The following COL4A6 variants were observed in gnomAD, a reference collection of about 807,000 sequenced individuals.
COL4A6 encodes collagen type IV alpha 6 chain.
COL4A6 carries 59 observed loss-of-function variants against 126.7 expected under a neutral mutation model. The observed-to-expected ratio is 0.47, with a 90% CI of 0.38 to 0.58. The LOEUF is 0.58. Among genes scored for constraint, COL4A6 ranks in the 20% least tolerant of loss-of-function variants. The probability of loss-of-function intolerance (pLI) is 0.00; values close to 1 mark genes in which losing one functional copy is unlikely to be tolerated. For synonymous variants in COL4A6, 547 were observed against 496.6 expected (o/e 1.10, Z -1.35); for missense variants, 1,285 against 1,337.3 (o/e 0.96, Z 0.61).
intron 2 of COL4A6, among the ~76,000 whole-genome samples, chrX:108,321,057 A>G (rs12687127): frequency 0.068 from 7,614 of 111,629 alleles, 564 homozygotes; most frequent in African/African-American, 0.21. Flanking sequence ...ATTTTACTTT[A>G]TAGGGTTTAG....
At chrX:108,380,383 T>C (rs1477311799) in intron 2 of COL4A6, among the ~76,000 whole-genome samples, 1 of 112,335 alleles carries the variant, frequency 8.9e-6, no homozygotes, top group Non-Finnish European at 1.9e-5. Flanking sequence ...GCTGGAGGAA[T>C]AGGTCATGCA....
chrX:108,185,163 G>T (rs1469333542), intron 23 of COL4A6, among the ~76,000 whole-genome samples: 1 of 110,982 alleles, frequency 9.0e-6, no homozygotes, highest in African/African-American at 3.3e-5. Flanking sequence ...AGGCCAACGC[G>T]GGTGGATCAC....
At chrX:108,372,183 A>G (rs765183050) in intron 2 of COL4A6, among the ~76,000 whole-genome samples, 25 of 111,345 alleles carry the variant, frequency 2.2e-4, no homozygotes, top group Non-Finnish European at 4.7e-4. Flanking sequence ...CCTCTTTTCA[A>G]TGGGGCAGCT....
chrX:108,204,059 A>G (rs138598499), intron 12 of COL4A6, among the ~76,000 whole-genome samples: 41 of 111,655 alleles, frequency 3.7e-4, no homozygotes, highest in African/African-American at 1.3e-3. Flanking sequence ...CAACACTAAA[A>G]CAGAGAAAAT....
chrX:108,281,809 T>C (rs922200465), intron 3 of COL4A6, among the ~76,000 whole-genome samples: 10 of 110,307 alleles, frequency 9.1e-5, no homozygotes, highest in Admixed American at 3.9e-4. Context: ...TATAGATCAA[T>C]GGAACACAAC....
At position 108,425,733 on chromosome X, in the gene COL4A6, AACAC is replaced by A. The variant is rs752707988; in HGVS notation, c.63+12205_63+12208del. Among the ~76,000 whole-genome samples the A allele has an allele frequency of 5.7e-3, 518 of 90,527 alleles. 4 individuals are homozygous for A. Among genetic ancestry groups the A allele is most frequent in the Middle Eastern group, 0.027 (5 of 182 alleles). 78.6% of individuals were successfully genotyped at this position (90,527 alleles called of 115,157 possible). ...TGGGCGACAGCACAACACACACACA[AACAC>A]ACACACACACACACACACACACACA... On this transcript the variant is annotated intron_variant, in intron 2 of 44. Transcript: ENST00000334504.
At chrX:108,303,355 G>T (rs898417042) in intron 3 of COL4A6, among the ~76,000 whole-genome samples, 1 of 111,248 alleles carries the variant, frequency 9.0e-6, no homozygotes, top group African/African-American at 3.3e-5. Flanking sequence ...GAAGCAAAAA[G>T]GGGCACACAT....
intron 2 of COL4A6, among the ~76,000 whole-genome samples, chrX:108,372,753 C>T (rs2040356233): frequency 8.9e-6 from 1 of 112,354 alleles, no homozygotes; most frequent in Non-Finnish European, 1.9e-5. Flanking sequence ...TAATTGGAAG[C>T]TATGAATGAC....
intron 19 of COL4A6, among the ~76,000 whole-genome samples, 170 bp from the exon 20 acceptor site, chrX:108,190,666 A>C (rs1427063303): frequency 8.9e-6 from 1 of 111,798 alleles, no homozygotes; most frequent in African/African-American, 3.3e-5. Flanking sequence ...GCAAGGAGTC[A>C]ACAGGACCTC....
intron 2 of COL4A6, among the ~76,000 whole-genome samples, chrX:108,401,824 G>T (rs1485191770): frequency 9.0e-6 from 1 of 110,973 alleles, no homozygotes; most frequent in Non-Finnish European, 1.9e-5. Context: ...AATTGCCAGG[G>T]AGTTATCCAT....
intron 4 of COL4A6, 92 bp downstream of exon 4, chrX:108,221,148 C>T (rs757236186): frequency 8.9e-6 from 10 of 1,117,610 alleles, no homozygotes; most frequent in Non-Finnish European, 6.2e-6. Context: ...TCAGGAATGA[C>T]ATCATAAATG....
chrX:108,434,173 C>T (rs866388454), intron 2 of COL4A6, among the ~76,000 whole-genome samples: 57 of 111,983 alleles, frequency 5.1e-4, no homozygotes, highest in African/African-American at 1.8e-3. Context: ...TCCCCTCATG[C>T]CTGAACAAAC....
intron 2 of COL4A6, among the ~76,000 whole-genome samples, chrX:108,326,194 T>G (rs1164921377): frequency 1.8e-5 from 2 of 111,769 alleles, no homozygotes; most frequent in Non-Finnish European, 3.8e-5. Flanking sequence ...AATAAGTGAG[T>G]TTAGTAATGC....
chrX:108,175,095 G>A lies in COL4A6; in HGVS notation c.2951C>T (p.Pro984Leu). Residue 984 changes from proline (P) to leucine (L), a missense_variant, in exon 30 of 45, where the codon CCA becomes CTA. Physicochemically the swap from Pro to Leu is moderately conservative, Grantham distance 98. Transcript: ENST00000334504. Reference protein sequence around the residue: ...GSAGSNGFPGPRGDKGEAGRP... With the variant: ...GSAGSNGFPGLRGDKGEAGRP... ...TCCATCCCCTGCCCCAGCACCTCTTGGCCCAGGAAATCCATTGGATCCGGC... is the reference window on the plus strand; with the variant it reads ...TCCATCCCCTGCCCCAGCACCTCTTAGCCCAGGAAATCCATTGGATCCGGC... The A allele has an allele frequency of 8.4e-7, 1 of 1,192,592 alleles. No homozygotes were observed. The highest frequency in any genetic ancestry group is 1.8e-5 in the African/African-American group (1 of 56,702).
intron 2 of COL4A6, among the ~76,000 whole-genome samples, chrX:108,381,492 T>A (rs1470996662): frequency 8.9e-6 from 1 of 112,267 alleles, no homozygotes; most frequent in African/African-American, 3.2e-5. Flanking sequence ...ACAGGCCAAA[T>A]AATTATATCA....
chrX:108,216,425 T>C (rs1320852882), intron 5 of COL4A6, among the ~76,000 whole-genome samples: 4 of 112,067 alleles, frequency 3.6e-5, no homozygotes, highest in Admixed American at 2.8e-4. Flanking sequence ...TATAGAGTCA[T>C]TGTCAGCATT....
rs751995204 is a variant in COL4A6, at chrX:108,194,538, A to T, written c.998T>A (p.Ile333Asn). ...TTTTTCACTTCCCAACATTACCTCA[A>T]TTCCTTGGAATCCATTAAGCCCAGG... The part of the protein sequence containing the change: ...GFPGLNGFQG[I>N]EGQKGDIGLP... Residue 333 changes from isoleucine (I) to asparagine (N), a missense_variant, in exon 16 of 45, where the codon ATT becomes AAT. Physicochemically the swap from Ile to Asn is moderately radical, Grantham distance 149. Coordinates refer to ENST00000334504, the MANE Select transcript of COL4A6 (RefSeq NM_033641.4). 1.7e-6 allele frequency: 2 copies of T among 1,206,838 alleles called. No homozygotes were observed. Among genetic ancestry groups the T allele is most frequent in the Admixed American group, 4.4e-5 (2 of 45,141 alleles).
chrX:108,157,886 C>G (rs2033791500), intron 44 of COL4A6, among the ~76,000 whole-genome samples: 1 of 111,884 alleles, frequency 8.9e-6, no homozygotes, highest in Non-Finnish European at 1.9e-5. Flanking sequence ...CTCCACACTC[C>G]TGCCTGTTTC....
chrX:108,377,863 A>AG (rs2040475498), intron 2 of COL4A6, among the ~76,000 whole-genome samples: 3 of 98,501 alleles, frequency 3.0e-5, no homozygotes, highest in Non-Finnish European at 6.0e-5. Flanking sequence ...AATGGTGTGA[A>AG]CCCGGGAGGC....
Sources: gnomAD v4.1 joint callset for allele counts (sites outside exome capture counted in the v4.1 genomes callset) on GRCh38, gnomAD v4.1.1 for gene constraint, MANE v1.5 for transcripts, NCBI Gene and HGNC (gene_info 2026-07-23, HGNC 2026-07-21) for gene names.